The following BBS9 variants were observed in gnomAD, a reference collection of about 807,000 sequenced individuals.
The protein encoded by BBS9 is Bardet-Biedl syndrome 9.
A neutral mutation model predicts 117.7 loss-of-function variants in BBS9; 89 were observed. The ratio of observed to expected loss-of-function variants is 0.76; its 90% CI spans 0.64 to 0.90. The LOEUF is 0.90. Among genes scored for constraint, BBS9 ranks in the 40% least tolerant of loss-of-function variants. The pLI, the probability that BBS9 is intolerant of heterozygous loss-of-function variation, is 0.00. For missense variants in BBS9, 982 were observed against 1,042.2 expected (o/e 0.94, Z 0.80); for synonymous variants, 379 against 370.9 (o/e 1.02, Z -0.25).
chr7:33,622,407 G>A (rs984711026), intron 21 of BBS9, among the ~76,000 whole-genome samples: 1 of 152,020 alleles, frequency 6.6e-6, no homozygotes, highest in Non-Finnish European at 1.5e-5. Context: ...ACTATAGTTA[G>A]TAATAATGTA....
intron 7 of BBS9, among the ~76,000 whole-genome samples, chr7:33,270,864 C>T (rs2128340055): frequency 6.6e-6 from 1 of 152,162 alleles, no homozygotes; most frequent in Middle Eastern, 3.4e-3. Flanking sequence ...GCAGAGAACC[C>T]CTGCAAGATA....
intron 5 of BBS9, among the ~76,000 whole-genome samples, chr7:33,240,458 G>T (rs1003598008): frequency 6.6e-6 from 1 of 151,988 alleles, no homozygotes; most frequent in African/African-American, 2.4e-5. Context: ...GTCTTGCTGT[G>T]TTTCCCAGGA....
At chr7:33,242,130 C>T (rs539395823) in intron 5 of BBS9, among the ~76,000 whole-genome samples, 2 of 152,210 alleles carry the variant, frequency 1.3e-5, no homozygotes, top group South Asian at 4.2e-4. Flanking sequence ...TTTCTTGGGT[C>T]GTCCAATAGA....
chr7:33,239,119 C>A (rs1794035696), intron 5 of BBS9, among the ~76,000 whole-genome samples: 1 of 152,064 alleles, frequency 6.6e-6, no homozygotes, highest in Non-Finnish European at 1.5e-5. Flanking sequence ...TGTGCCAATA[C>A]CAGGTAGTAT....
intron 1 of BBS9, among the ~76,000 whole-genome samples, chr7:33,143,292 C>G (rs1163240205): frequency 1.3e-5 from 2 of 152,084 alleles, no homozygotes; most frequent in African/African-American, 2.4e-5. Flanking sequence ...TTTGTGGGAC[C>G]TACCCACTGT....
At chr7:33,412,695 A>G (rs1662664376) in intron 19 of BBS9, among the ~76,000 whole-genome samples, 1 of 152,242 alleles carries the variant, frequency 6.6e-6, no homozygotes, top group Admixed American at 6.5e-5. Context: ...TTGGAAGAAG[A>G]ATAGGTCTCA....
At chr7:33,244,646 C>T (rs987462938) in intron 5 of BBS9, among the ~76,000 whole-genome samples, 9 of 152,030 alleles carry the variant, frequency 5.9e-5, no homozygotes, top group African/African-American at 2.2e-4. Flanking sequence ...ATACAGGTTC[C>T]CTCCTCCCCT....
At chr7:33,460,946 T>G (rs1839379333) in intron 19 of BBS9, among the ~76,000 whole-genome samples, 1 of 152,078 alleles carries the variant, frequency 6.6e-6, no homozygotes, top group African/African-American at 2.4e-5. Context: ...CTCTATGGAT[T>G]TATCTTTTCT....
At chr7:33,477,221 T>G (rs1376419232) in intron 19 of BBS9, among the ~76,000 whole-genome samples, 2 of 152,222 alleles carry the variant, frequency 1.3e-5, no homozygotes, top group Non-Finnish European at 2.9e-5. Context: ...TGGCATATCA[T>G]AAGTACCCAA....
chr7:33,432,603 T>C (rs1384476938), intron 19 of BBS9, among the ~76,000 whole-genome samples: 1 of 152,188 alleles, frequency 6.6e-6, no homozygotes, highest in Non-Finnish European at 1.5e-5. Context: ...CAACTTTATC[T>C]CTTTGTTGTT....
chr7:33,528,242 G>C (rs1849971640), intron 20 of BBS9, among the ~76,000 whole-genome samples: 1 of 152,026 alleles, frequency 6.6e-6, no homozygotes, highest in African/African-American at 2.4e-5. Context: ...ATGCAACATG[G>C]GCCATTTCTG....
intron 5 of BBS9, among the ~76,000 whole-genome samples, chr7:33,234,405 G>A (rs1793085486): frequency 6.6e-6 from 1 of 151,816 alleles, no homozygotes; most frequent in African/African-American, 2.4e-5. Context: ...ATATATGCAT[G>A]CATTATAAAA....
intron 21 of BBS9, among the ~76,000 whole-genome samples, chr7:33,544,503 G>A (rs1852958374): frequency 6.6e-6 from 1 of 152,192 alleles, no homozygotes; most frequent in South Asian, 2.1e-4. Flanking sequence ...CTGGCTCCGG[G>A]CTGGTACTGC....
chr7:33,477,580 C>T (rs2128966938), intron 19 of BBS9, among the ~76,000 whole-genome samples: 1 of 152,248 alleles, frequency 6.6e-6, no homozygotes, highest in Non-Finnish European at 1.5e-5. Context: ...CTCTCCCAAT[C>T]ACATGGATTT....
intron 21 of BBS9, among the ~76,000 whole-genome samples, chr7:33,633,408 G>A (rs1328561583): frequency 1.3e-5 from 2 of 152,016 alleles, no homozygotes; most frequent in Non-Finnish European, 2.9e-5. Context: ...CTATTTCTTG[G>A]GGAAAATCAT....
rs1298453364 is a variant in BBS9, at chr7:33,155,658, TG to T, written c.286del (p.Ala96LeufsTer28). On this transcript the variant is annotated frameshift_variant, in exon 4 of 23. Transcript: ENST00000242067. LOFTEE classifies it high-confidence loss of function. ...KFVSGTEMLH[L>X]AVLHSRKLCV... Reference sequence around the variant, plus strand: ...TTCAGAGGTACCGAAATGCTACATTTGGCTGTGTTACATTCTAGAAAACTTT... The same window carrying T: ...TTCAGAGGTACCGAAATGCTACATTTGCTGTGTTACATTCTAGAAAACTTT... 1 of 1,585,420 alleles carries T rather than the reference TG, an allele frequency of 6.3e-7. No homozygotes were observed. Among genetic ancestry groups the T allele is most frequent in the Admixed American group, 1.7e-5 (1 of 58,584 alleles).
At chr7:33,477,308 T>A (rs11980608) in intron 19 of BBS9, among the ~76,000 whole-genome samples, 28,537 of 152,088 alleles carry the variant, frequency 0.19, 2,767 homozygotes, top group South Asian at 0.27. Context: ...GGCAGTCACT[T>A]TGAAGAACTA....
chr7:33,153,500 C>T (rs894343345), intron 3 of BBS9, among the ~76,000 whole-genome samples: 4 of 152,300 alleles, frequency 2.6e-5, no homozygotes, highest in Admixed American at 1.3e-4. Context: ...TTTAGAAGTA[C>T]GATGAACACT....
chr7:33,303,203 C>G (rs374829906), intron 9 of BBS9, among the ~76,000 whole-genome samples: 20 of 152,134 alleles, frequency 1.3e-4, no homozygotes, highest in African/African-American at 4.6e-4. Flanking sequence ...ATCTTATTGT[C>G]TGCCAATAAG....
Sources: gnomAD v4.1 joint callset for allele counts (sites outside exome capture counted in the v4.1 genomes callset) on GRCh38, gnomAD v4.1.1 for gene constraint, MANE v1.5 for transcripts, NCBI Gene and HGNC (gene_info 2026-07-23, HGNC 2026-07-21) for gene names.